The following TACC2 variants were observed in gnomAD, a reference collection of about 807,000 sequenced individuals.
The protein encoded by TACC2 is transforming acidic coiled-coil-containing protein 2.
A neutral mutation model predicts 227.3 loss-of-function variants in TACC2; 137 were observed. That is an observed-to-expected ratio of 0.60 (90% CI 0.52 to 0.69). The LOEUF (loss-of-function observed/expected upper bound fraction) is 0.69, where lower values mean the gene tolerates loss of function less well. Among genes scored for constraint, TACC2 ranks in the 30% least tolerant of loss-of-function variants. TACC2 has a pLI of 0.00. For synonymous variants in TACC2, 1,523 were observed against 1,487.5 expected, an observed-to-expected ratio of 1.02 and a Z score of -0.55; for missense variants, 3,470 against 3,694.4, an observed-to-expected ratio of 0.94 and a Z score of 1.57.
At chr10:122,148,923 G>A (rs879362889) in intron 7 of TACC2, among the ~76,000 whole-genome samples, 1 of 152,196 alleles carries the variant, frequency 6.6e-6, no homozygotes, top group Admixed American at 6.5e-5. Flanking sequence ...GCCTGGGAGG[G>A]AGACCATTGC....
chr10:122,233,412 G>A (rs1266083059), intron 16 of TACC2, among the ~76,000 whole-genome samples: 4 of 152,166 alleles, frequency 2.6e-5, no homozygotes, highest in Non-Finnish European at 5.9e-5. Context: ...TAGGAACAAG[G>A]CCATACAAAT....
chr10:122,164,267 T>C (rs978051728), intron 7 of TACC2, among the ~76,000 whole-genome samples: 2 of 152,154 alleles, frequency 1.3e-5, no homozygotes, highest in Non-Finnish European at 2.9e-5. Flanking sequence ...CGTCAGCATC[T>C]TTCCTCTGCA....
intron 1 of TACC2, among the ~76,000 whole-genome samples, chr10:122,008,346 C>G (rs1363915801): frequency 6.7e-6 from 1 of 150,070 alleles, no homozygotes; most frequent in African/African-American, 2.5e-5. Context: ...TGCAACCTCT[C>G]GCCTCCCAGG....
chr10:122,176,115 CTCTATA>C (rs1320802238), intron 7 of TACC2, among the ~76,000 whole-genome samples: 399 of 47,082 alleles, frequency 8.5e-3, no homozygotes, highest in Non-Finnish European at 9.8e-3. Flanking sequence ...CTCTCTCTCT[CTCTATA>C]TATATATATA....
At chr10:122,000,495 T>G (rs1954166575) in intron 1 of TACC2, among the ~76,000 whole-genome samples, 1 of 152,214 alleles carries the variant, frequency 6.6e-6, no homozygotes, top group South Asian at 2.1e-4. Context: ...AGCCCACCAC[T>G]GACAAGCCAG....
intron 5 of TACC2, among the ~76,000 whole-genome samples, chr10:122,129,556 G>A (rs1030304112): frequency 1.3e-5 from 2 of 152,158 alleles, no homozygotes; most frequent in African/African-American, 2.4e-5. Flanking sequence ...CTGTGTCAAA[G>A]GAAACGAAGT....
At position 122,084,514 on chromosome 10, in the gene TACC2, C is replaced by A. The variant is rs201122938; in HGVS notation, c.2014C>A (p.Pro672Thr). Residue 672 changes from proline to threonine, a missense_variant, in exon 4 of 23, where the codon CCT (proline) becomes ACT (threonine). Pro to Thr is a conservative substitution (Grantham distance 38, BLOSUM62 -1). Transcript: ENST00000369005. ...GGGTGAGGAGGACCCCGTCCTGCCC[C>A]CTGTGCCAGATGGAGCTGGTGAGCC... Reference protein sequence around the residue: ...KLGEEDPVLPPVPDGAGEPTV... With the variant: ...KLGEEDPVLPTVPDGAGEPTV... The A allele has an allele frequency of 2.4e-5, 39 of 1,613,442 alleles. No homozygotes were observed. Among genetic ancestry groups the A allele is most frequent in the Non-Finnish European group, 3.2e-5 (38 of 1,180,018 alleles).
At chr10:121,993,259 T>G (rs2134862580) in intron 1 of TACC2, among the ~76,000 whole-genome samples, 1 of 152,366 alleles carries the variant, frequency 6.6e-6, no homozygotes, top group East Asian at 1.9e-4. Flanking sequence ...CAACTAACTT[T>G]TAAATGTGTG....
At chr10:122,155,648 A>G (rs1224727463) in intron 7 of TACC2, among the ~76,000 whole-genome samples, 3 of 152,030 alleles carry the variant, frequency 2.0e-5, no homozygotes, top group Non-Finnish European at 4.4e-5. Flanking sequence ...GGAGACTGAG[A>G]TTTTATTTGG....
chr10:122,041,038 T>C (rs956351421), intron 2 of TACC2, among the ~76,000 whole-genome samples: 1 of 152,176 alleles, frequency 6.6e-6, no homozygotes, highest in Non-Finnish European at 1.5e-5. Context: ...CTCAGCAATG[T>C]GGACATCTGA....
chr10:122,157,536 G>T (rs1236207501), intron 7 of TACC2, among the ~76,000 whole-genome samples: 1 of 150,856 alleles, frequency 6.6e-6, no homozygotes, highest in African/African-American at 2.4e-5. Context: ...TTTTTAACCT[G>T]TCGGATTTTA....
Position 122,085,499 on chromosome 10 carries a change from C to T in TACC2, c.2999C>T (p.Ala1000Val), listed in dbSNP as rs754393114. 3.1e-6 allele frequency: 5 copies of T among 1,613,492 alleles called. No homozygotes were observed. The highest frequency in any genetic ancestry group is 4.2e-6 in the Non-Finnish European group (5 of 1,180,064). The change falls in exon 4 of 23, where the codon GCC becomes GTC. Residue 1000 changes from alanine (A) to valine (V), a missense_variant. This residue lies in a region of TACC2 where 1,924 missense variants were observed against 1,978.3 expected (regional missense o/e 0.97). Transcript: ENST00000369005. The part of the protein sequence containing the change: ...PNKSQQALAD[A>V]LEEGSQHEEA... ...AAGTCTCAACAGGCATTGGCTGATG[C>T]CTTGGAAGAAGGCAGCCAGCATGAA...
intron 11 of TACC2, 67 bp from the exon 12 acceptor site, chr10:122,224,658 AT>A (rs897207529): frequency 3.4e-6 from 5 of 1,470,088 alleles, no homozygotes; most frequent in Non-Finnish European, 3.8e-6. Flanking sequence ...AGATCTTCCC[AT>A]TTTTTTCCTC....
intron 5 of TACC2, among the ~76,000 whole-genome samples, chr10:122,109,398 G>A (rs1366667045): frequency 6.6e-6 from 1 of 152,100 alleles, no homozygotes; most frequent in African/African-American, 2.4e-5. Flanking sequence ...CTTTCCTGAC[G>A]TACTGAATCA....
At chr10:122,095,743 C>G (rs1384508631) in intron 5 of TACC2, among the ~76,000 whole-genome samples, 3 of 152,248 alleles carry the variant, frequency 2.0e-5, no homozygotes, top group African/African-American at 7.2e-5. Context: ...TACAGCAACG[C>G]TGTCCACCGA....
chr10:122,046,009 T>TA (rs1163931339), intron 2 of TACC2, among the ~76,000 whole-genome samples: 8 of 149,598 alleles, frequency 5.3e-5, no homozygotes, highest in South Asian at 2.1e-4. Flanking sequence ...CCATCTCTAC[T>TA]AAAAAAAAAT....
chr10:122,041,139 C>T (rs932992130), intron 2 of TACC2, among the ~76,000 whole-genome samples: 4 of 152,198 alleles, frequency 2.6e-5, no homozygotes, highest in African/African-American at 9.6e-5. Flanking sequence ...GTATGTTGCT[C>T]AGGCGCTGTG....
At chr10:122,005,419 C>T (rs1398254026) in intron 1 of TACC2, among the ~76,000 whole-genome samples, 7 of 140,048 alleles carry the variant, frequency 5.0e-5, no homozygotes, top group Admixed American at 8.0e-5. Context: ...CTTGCTCTGT[C>T]GCCCAGGCTG....
chr10:122,072,183 C>T (rs1423089865), intron 3 of TACC2, among the ~76,000 whole-genome samples: 6 of 151,946 alleles, frequency 3.9e-5, no homozygotes, highest in Admixed American at 3.9e-4. Flanking sequence ...TCTCAATCTC[C>T]TGACCTTGTG....
Sources: allele counts gnomAD v4.1 joint callset (sites outside exome capture counted in the v4.1 genomes callset), GRCh38; gene constraint gnomAD v4.1.1; regional missense constraint gnomAD v4.1.1; transcripts MANE v1.5; gene names NCBI Gene and HGNC (gene_info 2026-07-23, HGNC 2026-07-21).